Variants in TRAF5 observed in about 807,000 individuals in gnomAD.
TRAF5 encodes the protein TNF receptor-associated factor 5.
A neutral mutation model predicts 64.5 loss-of-function variants in TRAF5; 48 were observed. That is an observed-to-expected ratio of 0.74 (90% CI 0.59 to 0.95). The LOEUF (loss-of-function observed/expected upper bound fraction) is 0.95, where lower values mean the gene tolerates loss of function less well. Ranked by LOEUF, TRAF5 falls within the 40% of genes least tolerant of loss-of-function variation. The pLI is 0.00. For synonymous variants in TRAF5, 206 were observed against 240.5 expected, an observed-to-expected ratio of 0.86 and a Z score of 1.33; for missense variants, 545 against 662.8, an observed-to-expected ratio of 0.82 and a Z score of 1.95.
At chr1:211,328,308 T>G (rs2102703694) in intron 1 of TRAF5, among the ~76,000 whole-genome samples, 1 of 152,302 alleles carries the variant, frequency 6.6e-6, no homozygotes, top group Non-Finnish European at 1.5e-5. Flanking sequence ...TGTAAAGGTT[T>G]TTGATTTTGT....
chr1:211,363,165 C>T (rs1306438343), intron 7 of TRAF5, among the ~76,000 whole-genome samples: 1 of 152,146 alleles, frequency 6.6e-6, no homozygotes, highest in East Asian at 1.9e-4. Context: ...TGAATCCACA[C>T]ATTGACCCTG....
At chr1:211,358,483 A>C (rs1485370874) in intron 4 of TRAF5, 1 of 131,022 alleles carries the variant, frequency 7.6e-6, no homozygotes, top group Non-Finnish European at 1.7e-5. Context: ...TCTAAAAAAA[A>C]AAAAAAACAA....
chr1:211,371,232 T>A (rs1179143047), intron 9 of TRAF5, 70 bp from the exon 10 acceptor site: 11 of 1,427,968 alleles, frequency 7.7e-6, no homozygotes, highest in South Asian at 5.8e-5. Context: ...TTGAAAAAAA[T>A]TTTAATCTCA....
intron 8 of TRAF5, among the ~76,000 whole-genome samples, chr1:211,367,303 A>G (rs1469395573): frequency 6.6e-6 from 1 of 152,182 alleles, no homozygotes; most frequent in Non-Finnish European, 1.5e-5. Context: ...AATTGATAAG[A>G]GTGAAGGCTC....
intron 5 of TRAF5, chr1:211,360,343 G>A (rs554083589): frequency 5.9e-6 from 3 of 504,908 alleles, no homozygotes; most frequent in African/African-American, 5.7e-5. Flanking sequence ...ACAAGGAGGT[G>A]ACAATAATGT....
At chr1:211,352,914 C>T (rs536246746) in intron 1 of TRAF5, among the ~76,000 whole-genome samples, 6 of 152,104 alleles carry the variant, frequency 3.9e-5, no homozygotes, top group African/African-American at 1.4e-4. Flanking sequence ...ATTAACACAC[C>T]TGGCTATATT....
At chr1:211,327,569 G>C (rs1170566340) in intron 1 of TRAF5, among the ~76,000 whole-genome samples, 1 of 152,040 alleles carries the variant, frequency 6.6e-6, no homozygotes, top group African/African-American at 2.4e-5. Context: ...TGAGTTCTCC[G>C]TACCAGATGG....
chr1:211,368,045 A>G (rs57093875), intron 8 of TRAF5, among the ~76,000 whole-genome samples: 6,009 of 152,260 alleles, frequency 0.039, 293 homozygotes, highest in East Asian at 0.25. Flanking sequence ...AAGTAAGGAA[A>G]TATTTCCAAG....
intron 1 of TRAF5, among the ~76,000 whole-genome samples, chr1:211,335,201 C>T (rs947941757): frequency 2.0e-5 from 3 of 152,132 alleles, no homozygotes; most frequent in Non-Finnish European, 4.4e-5. Flanking sequence ...AGCAGACAAG[C>T]CTGAATCCCT....
In TRAF5 at chr1:211,360,724, C is replaced by T. The variant is rs1319054207; in HGVS notation, c.566C>T (p.Pro189Leu). ...CAGAATCATGAGGAAAACTTGTGTC[C>T]TGAATACCCAGTATTTTGTCCCAAC... Reference protein sequence around the residue: ...NLQNHEENLCPEYPVFCPNNC... With the variant: ...NLQNHEENLCLEYPVFCPNNC... The change falls in exon 6 of 11, where the codon CCT becomes CTT. Residue 189 changes from proline to leucine, a missense_variant. Coordinates refer to ENST00000261464, the MANE Select transcript of TRAF5 (RefSeq NM_001033910.3). The T allele has an allele frequency of 6.2e-7, 1 of 1,613,896 alleles. No individual in the cohort carries two copies. The highest frequency in any genetic ancestry group is 1.1e-5 in the South Asian group (1 of 91,068).
intron 1 of TRAF5, among the ~76,000 whole-genome samples, chr1:211,328,541 A>G (rs1426510675): frequency 1.3e-5 from 2 of 152,158 alleles, no homozygotes; most frequent in Non-Finnish European, 2.9e-5. Flanking sequence ...GGACTTGGGT[A>G]GTAGGGCGAT....
chr1:211,369,397 ATATG>A, intron 8 of TRAF5, 51 bp from the exon 9 acceptor site: 1 of 1,396,814 alleles, frequency 7.2e-7, no homozygotes, highest in Admixed American at 2.7e-5. Context: ...TATTTTAACT[ATATG>A]CATGCAGTTA....
In TRAF5 at chr1:211,370,959, G is replaced by A. The variant is rs117155349; in HGVS notation, c.931-343G>A. Among the ~76,000 whole-genome samples the A allele has an allele frequency of 1.2e-3, 189 of 152,170 alleles. 3 individuals are homozygous for A. The East Asian group carries it at 0.03, about 24-fold the overall frequency. Reference sequence around the variant, plus strand: ...AGTGAATCAGGAGATTGGCTTCTAAGAAGAGAAAGAAGTGATAGGGCAAGA... The same window carrying A: ...AGTGAATCAGGAGATTGGCTTCTAAAAAGAGAAAGAAGTGATAGGGCAAGA... On this transcript the variant is annotated intron_variant, in intron 9 of 10. Coordinates refer to ENST00000261464, the MANE Select transcript of TRAF5 (RefSeq NM_001033910.3).
intron 1 of TRAF5, among the ~76,000 whole-genome samples, chr1:211,345,763 T>A (rs765230984): frequency 3.9e-5 from 6 of 152,306 alleles, no homozygotes; most frequent in Non-Finnish European, 5.9e-5. Flanking sequence ...AGAGGGGCCA[T>A]CTGGTGTCAT....
chr1:211,350,143 C>T (rs1702738478), intron 1 of TRAF5, among the ~76,000 whole-genome samples: 1 of 151,502 alleles, frequency 6.6e-6, no homozygotes, highest in Non-Finnish European at 1.5e-5. Context: ...ACCTACCACC[C>T]TTGAAGTTTT....
intron 9 of TRAF5, among the ~76,000 whole-genome samples, chr1:211,370,566 G>A (rs1703490680): frequency 6.6e-6 from 1 of 152,168 alleles, no homozygotes; most frequent in Non-Finnish European, 1.5e-5. Flanking sequence ...AGTCAAAAAT[G>A]TGTTTGATAC....
rs369820230 is a variant in TRAF5 at position 211,372,345 on chromosome 1, C to T, written c.1317C>T (p.Gly439=). 6.2e-7 allele frequency: 1 copy of T among 1,613,996 alleles called. No individual in the cohort carries two copies. Among genetic ancestry groups the T allele is most frequent in the African/African-American group, 1.3e-5 (1 of 74,898 alleles). The change falls in exon 11 of 11, where the codon GGC becomes GGT. Residue 439 remains glycine, a synonymous_variant. Coordinates refer to ENST00000261464, the MANE Select transcript of TRAF5 (RefSeq NM_001033910.3). ...FSQSFYTSRC[G]YRLCARAYLN... ...AGTCCTTCTACACCAGCCGCTGTGG[C>T]TACCGGCTCTGTGCTAGAGCATACC...
intron 6 of TRAF5, 94 bp from the exon 7 acceptor site, chr1:211,360,994 C>A: frequency 7.7e-7 from 1 of 1,300,672 alleles, no homozygotes; most frequent in Non-Finnish European, 1.1e-6. Context: ...TCTCCTGGTC[C>A]TTGCCTTCTT....
At chr1:211,356,716 G>C (rs1274433725) in intron 4 of TRAF5, 5 of 352,062 alleles carry the variant, frequency 1.4e-5, no homozygotes, top group African/African-American at 8.3e-5. Context: ...CCTTAATTGT[G>C]TGGTAGGGAT....
Sources: allele counts gnomAD v4.1 joint callset (sites outside exome capture counted in the v4.1 genomes callset), GRCh38; gene constraint gnomAD v4.1.1; transcripts MANE v1.5; gene names NCBI Gene and HGNC (gene_info 2026-07-23, HGNC 2026-07-21).